Variants in CSMD1 observed in about 807,000 individuals in gnomAD.
The protein encoded by CSMD1 is CUB and Sushi multiple domains 1, also known as CUB and sushi domain-containing protein 1.
Under a neutral mutation model 417.5 loss-of-function variants are expected in CSMD1, and 213 were observed. That is an observed-to-expected ratio of 0.51 (90% CI 0.46 to 0.57). The LOEUF (loss-of-function observed/expected upper bound fraction) is 0.57. Among genes scored for constraint, CSMD1 ranks in the 20% least tolerant of loss-of-function variants. The probability of loss-of-function intolerance (pLI) is 0.00; values close to 1 mark genes in which losing one functional copy is unlikely to be tolerated. For synonymous variants in CSMD1, 2,862 were observed against 1,736.8 expected (o/e 1.65, Z -16.11); for missense variants, 6,923 against 4,529.7 (o/e 1.53, Z -15.17).
chr8:3,924,107 T>A (rs1809472714), intron 5 of CSMD1, among the ~76,000 whole-genome samples: 2 of 152,208 alleles, frequency 1.3e-5, no homozygotes, highest in Non-Finnish European at 2.9e-5. Flanking sequence ...TCAGCTCTTG[T>A]TGATGCGGGA....
At chr8:4,388,619 G>T (rs994987922) in intron 3 of CSMD1, among the ~76,000 whole-genome samples, 1 of 151,788 alleles carries the variant, frequency 6.6e-6, no homozygotes, top group African/African-American at 2.4e-5. Context: ...TCAGGTGGTG[G>T]GTGCACCAAA....
At chr8:4,772,623 A>G (rs1484009079) in intron 1 of CSMD1, among the ~76,000 whole-genome samples, 1 of 152,198 alleles carries the variant, frequency 6.6e-6, no homozygotes, top group African/African-American at 2.4e-5. Context: ...TATTTTTATC[A>G]TAAAGAAAAA....
At chr8:3,734,624 T>C (rs1340754951) in intron 6 of CSMD1, among the ~76,000 whole-genome samples, 1 of 152,110 alleles carries the variant, frequency 6.6e-6, no homozygotes, top group African/African-American at 2.4e-5. Context: ...GGCAGGAGAA[T>C]TGCTTGAACC....
chr8:3,279,054 G>A (rs975914692), intron 26 of CSMD1: 3 of 152,194 alleles, frequency 2.0e-5, no homozygotes, highest in Admixed American at 1.3e-4. Flanking sequence ...GGAGACTGGT[G>A]CCCGATTCTC....
At chr8:3,516,757 G>C (rs530662315) in intron 10 of CSMD1, among the ~76,000 whole-genome samples, 1 of 152,088 alleles carries the variant, frequency 6.6e-6, no homozygotes, top group Non-Finnish European at 1.5e-5. Flanking sequence ...AGTATACACT[G>C]CACCTTATCT....
intron 4 of CSMD1, among the ~76,000 whole-genome samples, chr8:3,999,235 T>A (rs896668517): frequency 6.6e-6 from 1 of 152,048 alleles, no homozygotes; most frequent in Admixed American, 6.6e-5. Flanking sequence ...GATACTGCAA[T>A]GTGGATGATA....
At chr8:3,619,608 C>T (rs1802319841) in intron 7 of CSMD1, among the ~76,000 whole-genome samples, 1 of 151,892 alleles carries the variant, frequency 6.6e-6, no homozygotes, top group African/African-American at 2.4e-5. Context: ...TTAATGAACA[C>T]CTAGTAGGAT....
intron 10 of CSMD1, among the ~76,000 whole-genome samples, chr8:3,562,922 T>TA (rs536977171): frequency 3.7e-4 from 55 of 147,838 alleles, no homozygotes; most frequent in East Asian, 1.8e-3. Context: ...ACTTAAAAGT[T>TA]AAAAAAAAAA....
intron 10 of CSMD1, among the ~76,000 whole-genome samples, chr8:3,515,043 A>G (rs190122729): frequency 2.3e-3 from 357 of 152,328 alleles, no homozygotes; most frequent in African/African-American, 7.7e-3. Flanking sequence ...TCCATCGACT[A>G]TATTCGACAT....
At chr8:3,477,216 C>G (rs79179664) in intron 11 of CSMD1, among the ~76,000 whole-genome samples, 2,746 of 152,182 alleles carry the variant, frequency 0.018, 100 homozygotes, top group African/African-American at 0.063. Flanking sequence ...ATATGAGATG[C>G]CTGGATTTTA....
intron 1 of CSMD1, among the ~76,000 whole-genome samples, chr8:4,824,623 G>A (rs945387237): frequency 6.6e-6 from 1 of 152,138 alleles, no homozygotes; most frequent in East Asian, 1.9e-4. Context: ...GTCTGTGTAT[G>A]TGTGTGCGAA....
At chr8:4,288,842 A>G (rs189748105) in intron 3 of CSMD1, among the ~76,000 whole-genome samples, 2 of 152,336 alleles carry the variant, frequency 1.3e-5, no homozygotes, top group African/African-American at 2.4e-5. Context: ...AAGCACTAAT[A>G]TAGGATACCA....
intron 2 of CSMD1, among the ~76,000 whole-genome samples, chr8:4,597,874 C>T (rs557715704): frequency 6.6e-6 from 1 of 152,088 alleles, no homozygotes; most frequent in Non-Finnish European, 1.5e-5. Context: ...GAGAGAGACA[C>T]AGATTAATTA....
intron 5 of CSMD1, among the ~76,000 whole-genome samples, chr8:3,982,163 T>A (rs915530542): frequency 8.1e-5 from 6 of 74,262 alleles, no homozygotes; most frequent in African/African-American, 1.6e-4. Context: ...ATCTCAAAAA[T>A]AATAATAATA....
chr8:3,496,692 G>A (rs1398858740), intron 10 of CSMD1, among the ~76,000 whole-genome samples: 2 of 152,118 alleles, frequency 1.3e-5, no homozygotes, highest in African/African-American at 4.8e-5. Flanking sequence ...CTGGCATGGT[G>A]GCGTGTGCCT....
intron 1 of CSMD1, among the ~76,000 whole-genome samples, chr8:4,733,976 C>A (rs1172664661): frequency 2.0e-5 from 3 of 152,156 alleles, no homozygotes; most frequent in Non-Finnish European, 4.4e-5. Context: ...TGCCCCTATG[C>A]ATGTGAAGTG....
chr8:4,054,266 G>A (rs1476696238), intron 3 of CSMD1, among the ~76,000 whole-genome samples: 1 of 122,856 alleles, frequency 8.1e-6, no homozygotes. Context: ...GAGTTAAGAG[G>A]TGACGGGGAA....
intron 1 of CSMD1, among the ~76,000 whole-genome samples, chr8:4,817,284 C>G (rs1178187128): frequency 6.6e-6 from 1 of 152,150 alleles, no homozygotes; most frequent in East Asian, 1.9e-4. Context: ...GCCAGGCCTG[C>G]CCAATCAAGC....
chr8:4,146,504 G>A (rs1208454266), intron 3 of CSMD1, among the ~76,000 whole-genome samples: 1 of 147,530 alleles, frequency 6.8e-6, no homozygotes, highest in Non-Finnish European at 1.5e-5. Context: ...CAGACGTTGT[G>A]ATGTGCACAG....
Sources: gnomAD v4.1 joint callset for allele counts (sites outside exome capture counted in the v4.1 genomes callset) on GRCh38, gnomAD v4.1.1 for gene constraint, MANE v1.5 for transcripts, NCBI Gene and HGNC (gene_info 2026-07-23, HGNC 2026-07-21) for gene names.